Variants in ACOXL observed in about 807,000 individuals in gnomAD.
ACOXL encodes acyl-CoA oxidase like, also known as acyl-coenzyme A oxidase-like protein.
Under a neutral mutation model 71.9 loss-of-function variants are expected in ACOXL, and 70 were observed. The ratio of observed to expected loss-of-function variants is 0.97; its 90% confidence interval spans 0.80 to 1.19. The LOEUF is 1.19. Among genes scored for constraint, ACOXL ranks in the 50% most tolerant of loss-of-function variants. ACOXL has a pLI of 0.00. For missense variants in ACOXL, 703 were observed against 736.3 expected (o/e 0.95, Z 0.52); for synonymous variants, 253 against 281.6 (o/e 0.90, Z 1.02).
At chr2:110,920,925 C>T (rs1260362122) in intron 11 of ACOXL, among the ~76,000 whole-genome samples, 2 of 151,960 alleles carry the variant, frequency 1.3e-5, no homozygotes, top group Non-Finnish European at 2.9e-5. Flanking sequence ...AGCATTTTAC[C>T]TTTTTGAAGG....
At chr2:110,963,779 T>C (rs1029519316) in intron 12 of ACOXL, 8 of 1,582,758 alleles carry the variant, frequency 5.1e-6, no homozygotes, top group South Asian at 3.4e-5. Context: ...TCATATATTT[T>C]ATCTTTATCT....
At chr2:110,963,767 T>C in intron 12 of ACOXL, 1 of 1,599,790 alleles carries the variant, frequency 6.3e-7, no homozygotes, top group African/African-American at 1.3e-5. Flanking sequence ...GTCTGAAGTG[T>C]TTCATATATT....
chr2:110,757,514 C>G (rs1679852279), intron 1 of ACOXL, among the ~76,000 whole-genome samples: 1 of 152,128 alleles, frequency 6.6e-6, no homozygotes, highest in African/African-American at 2.4e-5. Flanking sequence ...TACACTTTTA[C>G]CAACAGTGTA....
At chr2:110,764,279 G>A (rs1002832577) in intron 1 of ACOXL, among the ~76,000 whole-genome samples, 1 of 152,038 alleles carries the variant, frequency 6.6e-6, no homozygotes, top group African/African-American at 2.4e-5. Flanking sequence ...ATCAGTAGTT[G>A]AATGGATAGA....
intron 16 of ACOXL, among the ~76,000 whole-genome samples, chr2:111,078,096 G>C (rs1043274822): frequency 1.3e-5 from 2 of 151,916 alleles, no homozygotes; most frequent in Non-Finnish European, 2.9e-5. Flanking sequence ...TTCTTTGCCA[G>C]TCTATTTTCT....
intron 1 of ACOXL, among the ~76,000 whole-genome samples, chr2:110,762,701 G>A (rs1041826148): frequency 6.6e-6 from 1 of 152,016 alleles, no homozygotes; most frequent in African/African-American, 2.4e-5. Flanking sequence ...TGTCACCCAG[G>A]CTGGAGTGCA....
At position 110,847,301 on chromosome 2, in the gene ACOXL, T is replaced by A. The variant is rs1002806239; in HGVS notation, c.788+5896T>A. Among the ~76,000 whole-genome samples the A allele has an allele frequency of 3.9e-4, 59 of 152,256 alleles. 2 individuals carry two copies. Among genetic ancestry groups the A allele is most frequent in the African/African-American group, 1.4e-3 (59 of 41,572 alleles). On this transcript the variant is annotated intron_variant, in intron 10 of 17. Coordinates refer to ENST00000439055, the MANE Select transcript of ACOXL (RefSeq NM_001142807.4). ...CCTGGTGAGTGCCCCTGGGCCAAGA[T>A]AAAAGAGGAAACAGGCTCAGAGGTG... is the stretch of plus-strand genomic sequence containing the variant.
intron 7 of ACOXL, 112 bp from the exon 8 acceptor site, chr2:110,801,540 A>G: frequency 5.4e-6 from 5 of 930,260 alleles, no homozygotes; most frequent in Middle Eastern, 2.2e-4. Context: ...AAAAGCACCA[A>G]CAATTCTGGA....
At chr2:110,771,068 TG>T (rs1476326074) in intron 2 of ACOXL, among the ~76,000 whole-genome samples, 1 of 152,202 alleles carries the variant, frequency 6.6e-6, no homozygotes, top group African/African-American at 2.4e-5. Flanking sequence ...GGCACAGGAT[TG>T]GCCCTAGACC....
rs543145687 is a variant in ACOXL at position 111,044,299 on chromosome 2, G to A, written c.1370-4919G>A. ...TACCCCATGGGTCTAGAGTGGACAC[G>A]GCAGTGGTGTGGTTCCCCAGTAGCA... On this transcript the variant is annotated intron_variant, in intron 15 of 17. Transcript: ENST00000439055. Among the ~76,000 whole-genome samples, 23 of 152,342 alleles carry A rather than the reference G, an allele frequency of 1.5e-4. No homozygotes were observed. The South Asian group carries it at 3.9e-3, about 26-fold the overall frequency.
chr2:110,768,513 T>TGTGTGTGTGTGAGAGAGA (rs397975396), intron 2 of ACOXL, 49 bp downstream of exon 2: 182 of 929,666 alleles, frequency 2.0e-4, no homozygotes, highest in East Asian at 1.8e-3. Flanking sequence ...TGTGTGTGTG[T>TGTGTGTGTGTGAGAGAGA]GAGAGAGAGA....
chr2:110,995,019 A>T (rs924700467), intron 13 of ACOXL, among the ~76,000 whole-genome samples: 1 of 151,956 alleles, frequency 6.6e-6, no homozygotes, highest in Non-Finnish European at 1.5e-5. Context: ...GCAGATAATG[A>T]ACACAATTCC....
At chr2:110,860,521 C>A (rs1316538324) in intron 10 of ACOXL, among the ~76,000 whole-genome samples, 2 of 152,164 alleles carry the variant, frequency 1.3e-5, no homozygotes, top group East Asian at 3.9e-4. Flanking sequence ...GTCATTTGGA[C>A]CTTTTCGGAG....
At chr2:110,746,428 T>A (rs756728390) in intron 1 of ACOXL, among the ~76,000 whole-genome samples, 7 of 152,010 alleles carry the variant, frequency 4.6e-5, no homozygotes, top group Non-Finnish European at 5.9e-5. Flanking sequence ...ACAATTCAGA[T>A]TGTAGTTGGC....
intron 11 of ACOXL, among the ~76,000 whole-genome samples, chr2:110,922,790 T>C (rs2060127705): frequency 6.6e-6 from 1 of 152,166 alleles, no homozygotes; most frequent in African/African-American, 2.4e-5. Flanking sequence ...AGGTGATCAA[T>C]AGAAATTCAG....
intron 15 of ACOXL, among the ~76,000 whole-genome samples, chr2:111,047,261 G>C (rs1303892245): frequency 6.6e-6 from 1 of 152,186 alleles, no homozygotes; most frequent in Non-Finnish European, 1.5e-5. Context: ...TATCATAGTG[G>C]AGTCCAGTGC....
intron 16 of ACOXL, among the ~76,000 whole-genome samples, chr2:111,090,578 A>AG (rs2068469651): frequency 6.6e-6 from 1 of 152,224 alleles, no homozygotes; most frequent in Non-Finnish European, 1.5e-5. Flanking sequence ...CAAAAGCCAC[A>AG]GACTGTCAAC....
chr2:110,981,729 T>C (rs2062715452), intron 12 of ACOXL, among the ~76,000 whole-genome samples: 1 of 152,238 alleles, frequency 6.6e-6, no homozygotes, highest in Admixed American at 6.5e-5. Flanking sequence ...GATCCACTTT[T>C]AACTTGCTGT....
chr2:110,994,820 C>G (rs1174404829), intron 13 of ACOXL, among the ~76,000 whole-genome samples: 1 of 152,118 alleles, frequency 6.6e-6, no homozygotes, highest in Non-Finnish European at 1.5e-5. Flanking sequence ...TTGCACACAG[C>G]CCTATCACTT....
Sources: gnomAD v4.1 joint callset for allele counts (sites outside exome capture counted in the v4.1 genomes callset) on GRCh38, gnomAD v4.1.1 for gene constraint, MANE v1.5 for transcripts, NCBI Gene and HGNC (gene_info 2026-07-23, HGNC 2026-07-21) for gene names.